Variants in NCOA2 observed in about 807,000 individuals in gnomAD.
NCOA2 encodes nuclear receptor coactivator 2.
In NCOA2, 21 loss-of-function variants were observed where a neutral mutation model predicts 145.1. The observed-to-expected ratio is 0.14, with a 90% confidence interval of 0.10 to 0.21. The LOEUF (loss-of-function observed/expected upper bound fraction) is 0.21, where lower values mean the gene tolerates loss of function less well. NCOA2 is among the 10% of genes least tolerant of loss of function. The probability of loss-of-function intolerance (pLI) is 1.00; values close to 1 mark genes in which losing one functional copy is unlikely to be tolerated. For missense variants in NCOA2, 1,472 were observed against 1,837.6 expected, an observed-to-expected ratio of 0.80 and a Z score of 3.64; for synonymous variants, 619 against 637.5, an observed-to-expected ratio of 0.97 and a Z score of 0.44.
chr8:70,205,659 G>A (rs559951504), intron 4 of NCOA2, among the ~76,000 whole-genome samples: 7 of 152,228 alleles, frequency 4.6e-5, no homozygotes, highest in African/African-American at 9.6e-5. Context: ...AAACCACAAC[G>A]TGAGAGCCTG....
chr8:70,405,388 A>G (rs1260246005), upstream of NCOA2, among the ~76,000 whole-genome samples: 1 of 139,492 alleles, frequency 7.2e-6, no homozygotes, highest in Non-Finnish European at 1.5e-5. Flanking sequence ...ACACCTATCT[A>G]ATGTTTGAAA....
the NCOA2 span, among the ~76,000 whole-genome samples, chr8:70,452,262 A>C: frequency 1.3e-5 from 2 of 152,226 alleles, no homozygotes; most frequent in African/African-American, 4.8e-5. Flanking sequence ...GGTGTGAGCC[A>C]CTTCACCTGG....
chr8:70,315,416 C>T (rs1472544510), intron 1 of NCOA2, among the ~76,000 whole-genome samples: 3 of 152,112 alleles, frequency 2.0e-5, no homozygotes, highest in Non-Finnish European at 2.9e-5. Flanking sequence ...TTCATGTCCA[C>T]GCCTTCTAAA....
chr8:70,144,175 C>T (rs1810768152), intron 13 of NCOA2, among the ~76,000 whole-genome samples: 2 of 152,318 alleles, frequency 1.3e-5, no homozygotes, highest in South Asian at 4.1e-4. Flanking sequence ...AGGCATATTA[C>T]TGTTTAAAGT....
intron 2 of NCOA2, among the ~76,000 whole-genome samples, chr8:70,239,280 T>C (rs1429866662): frequency 6.6e-6 from 1 of 152,160 alleles, no homozygotes; most frequent in African/African-American, 2.4e-5. Flanking sequence ...ACTGAATATA[T>C]TTGAACAATG....
At chr8:70,320,988 T>A (rs540869887) in intron 1 of NCOA2, among the ~76,000 whole-genome samples, 1 of 152,218 alleles carries the variant, frequency 6.6e-6, no homozygotes, top group Non-Finnish European at 1.5e-5. Flanking sequence ...GAATGACTAC[T>A]ATTTCGCAGT....
intron 1 of NCOA2, among the ~76,000 whole-genome samples, chr8:70,368,050 G>A (rs1810876930): frequency 6.6e-6 from 1 of 152,174 alleles, no homozygotes; most frequent in Non-Finnish European, 1.5e-5. Flanking sequence ...TGAAGACTAG[G>A]AAATGAGAGA....
intron 1 of NCOA2, among the ~76,000 whole-genome samples, chr8:70,393,172 A>T (rs976661822): frequency 6.6e-6 from 1 of 152,132 alleles, no homozygotes; most frequent in Non-Finnish European, 1.5e-5. Flanking sequence ...TCTTTATCTG[A>T]TCTTGGGTGC....
chr8:70,381,184 C>CATT lies in NCOA2; in HGVS notation c.-77+22513_-77+22515dup, dbSNP rs112989473. ...ATGACCGGTTCATGGGCGTTCATTACATTATTATTATTAAACTTTTCCATA... is the reference window on the plus strand; with the variant it reads ...ATGACCGGTTCATGGGCGTTCATTACATTATTATTATTATTAAACTTTTCCATA... On this transcript the variant is annotated intron_variant, in intron 1 of 22. Coordinates refer to ENST00000452400, the MANE Select transcript of NCOA2 (RefSeq NM_006540.4). Among the ~76,000 whole-genome samples the CATT allele has an allele frequency of 1.7e-4, 26 of 151,964 alleles. 1 individual carries two copies. Among genetic ancestry groups the CATT allele is most frequent in the African/African-American group, 6.3e-4 (26 of 41,360 alleles).
At chr8:70,321,649 C>A (rs16936913) in intron 1 of NCOA2, among the ~76,000 whole-genome samples, 20,956 of 152,008 alleles carry the variant, frequency 0.14, 2,555 homozygotes, top group African/African-American at 0.33. Context: ...CCCTTCGCCA[C>A]ACAAGAAGCA....
chr8:70,359,353 C>T (rs2130982081), intron 1 of NCOA2, among the ~76,000 whole-genome samples: 1 of 152,200 alleles, frequency 6.6e-6, no homozygotes, highest in East Asian at 1.9e-4. Context: ...GGTAAGTAAA[C>T]TGTGGTATAT....
chr8:70,272,760 G>C (rs1825151252), intron 2 of NCOA2, among the ~76,000 whole-genome samples: 1 of 151,996 alleles, frequency 6.6e-6, no homozygotes, highest in South Asian at 2.1e-4. Context: ...TATAACATTA[G>C]GCTGAATGTT....
rs897422372 is a variant in NCOA2, at chr8:70,311,633, C to T, written c.-76-14833G>A. 2.6e-5 allele frequency among the ~76,000 whole-genome samples: 4 copies of T among 152,310 alleles called. No homozygotes were observed. The East Asian group carries it at 5.8e-4, about 22-fold the overall frequency. On this transcript the variant is annotated intron_variant, in intron 1 of 22. Transcript: ENST00000452400. ...ATTGAAGAATGTCTTACTTAACAGA[C>T]AGCTCATTGTTCTCTTCTAGACTGG... is the stretch of plus-strand genomic sequence containing the variant.
At chr8:70,193,650 A>G (rs187884288) in intron 4 of NCOA2, among the ~76,000 whole-genome samples, 1 of 152,356 alleles carries the variant, frequency 6.6e-6, no homozygotes, top group Non-Finnish European at 1.5e-5. Flanking sequence ...AATCATGTCA[A>G]TCCCAAAAGA....
the NCOA2 span, among the ~76,000 whole-genome samples, chr8:70,442,248 G>C: frequency 6.6e-6 from 1 of 152,184 alleles, no homozygotes; most frequent in African/African-American, 2.4e-5. Context: ...TCCCATTAAA[G>C]TTGGCACGCG....
chr8:70,332,698 T>C (rs1448315112), intron 1 of NCOA2, among the ~76,000 whole-genome samples: 1 of 152,222 alleles, frequency 6.6e-6, no homozygotes, highest in African/African-American at 2.4e-5. Context: ...TTTTTTTCCA[T>C]TTTAAATAAT....
chr8:70,177,041 G>C (rs1377788958), intron 4 of NCOA2, among the ~76,000 whole-genome samples: 1 of 152,142 alleles, frequency 6.6e-6, no homozygotes, highest in Non-Finnish European at 1.5e-5. Context: ...CCACATGCAG[G>C]AGCAATGTGC....
intron 1 of NCOA2, among the ~76,000 whole-genome samples, chr8:70,333,784 A>G (rs1249338033): frequency 6.6e-6 from 1 of 152,238 alleles, no homozygotes; most frequent in Non-Finnish European, 1.5e-5. Flanking sequence ...CTGTTACATG[A>G]CAATGCCCCT....
intron 4 of NCOA2, among the ~76,000 whole-genome samples, chr8:70,200,276 C>T (rs7012178): frequency 0.062 from 9,400 of 152,124 alleles, 975 homozygotes; most frequent in African/African-American, 0.22. Flanking sequence ...ATAAGGTACA[C>T]GTATGTACCT....
Sources: allele counts gnomAD v4.1 joint callset (sites outside exome capture counted in the v4.1 genomes callset), GRCh38; gene constraint gnomAD v4.1.1; transcripts MANE v1.5; gene names NCBI Gene and HGNC (gene_info 2026-07-23, HGNC 2026-07-21).